Variants in SLC38A4 observed in about 807,000 individuals in gnomAD.
The protein encoded by SLC38A4 is sodium-coupled neutral amino acid transporter 4.
SLC38A4 carries 20 observed loss-of-function variants against 63.1 expected under a neutral mutation model. The ratio of observed to expected loss-of-function variants is 0.32; its 90% confidence interval spans 0.22 to 0.46. SLC38A4 has a LOEUF of 0.46. Ranked by LOEUF, SLC38A4 falls within the 20% of genes least tolerant of loss-of-function variation. The pLI is 1.00. For missense variants in SLC38A4, 526 were observed against 663.6 expected (o/e 0.79, Z 2.28); for synonymous variants, 230 against 225.5 (o/e 1.02, Z -0.18).
intron 3 of SLC38A4, among the ~76,000 whole-genome samples, chr12:46,791,555 C>G (rs894675437): frequency 7.2e-5 from 11 of 152,168 alleles, no homozygotes; most frequent in African/African-American, 2.7e-4. Context: ...GCACAATATT[C>G]TCTATTTCAC....
Position 46,765,823 on chromosome 12 carries a change from T to G in SLC38A4, c.*878A>C, listed in dbSNP as rs1286627082. 1 of 158,926 alleles carries G rather than the reference T, an allele frequency of 6.3e-6. No homozygotes were observed. Among genetic ancestry groups the G allele is most frequent in the African/African-American group, 2.4e-5 (1 of 41,426 alleles). The allele number at this position is 158,926 out of a possible 1,614,324, so 9.8% of individuals were successfully genotyped here. A position where few individuals can be genotyped will look rare whatever the true frequency, so the allele number is the denominator to read the frequency against. ...TAAAAATGTATCAAACAATACTGGG[T>G]AGTGTATCTCCACGATTGTGGTCTT... is the stretch of plus-strand genomic sequence containing the variant. On this transcript the variant is annotated 3_prime_UTR_variant, in exon 17 of 17. Coordinates refer to ENST00000266579, the MANE Select transcript of SLC38A4 (RefSeq NM_018018.5).
chr12:46,803,389 T>C (rs925492353), intron 2 of SLC38A4, among the ~76,000 whole-genome samples: 15 of 152,058 alleles, frequency 9.9e-5, no homozygotes, highest in Non-Finnish European at 2.9e-5. Flanking sequence ...AAACCTAAAA[T>C]TATCTGTAAA....
At chr12:46,824,703 A>G (rs1939612195) in intron 1 of SLC38A4, among the ~76,000 whole-genome samples, 1 of 152,254 alleles carries the variant, frequency 6.6e-6, no homozygotes, top group Non-Finnish European at 1.5e-5. Flanking sequence ...TAATAGTTTC[A>G]GAACGATGAA....
chr12:46,801,174 T>C (rs1939125563), intron 2 of SLC38A4, among the ~76,000 whole-genome samples: 1 of 152,118 alleles, frequency 6.6e-6, no homozygotes, highest in Non-Finnish European at 1.5e-5. Flanking sequence ...TATTATTATA[T>C]TAGAATAATT....
At chr12:46,828,194 C>A (rs1007077966), upstream of SLC38A4, among the ~76,000 whole-genome samples, 1 of 152,208 alleles carries the variant, frequency 6.6e-6, no homozygotes, top group Non-Finnish European at 1.5e-5. Context: ...TTTATTTCTA[C>A]TTCAAAACCT....
At chr12:46,802,315 A>C (rs192683759) in intron 2 of SLC38A4, among the ~76,000 whole-genome samples, 1 of 152,200 alleles carries the variant, frequency 6.6e-6, no homozygotes, top group African/African-American at 2.4e-5. Flanking sequence ...ATTTTAATGC[A>C]TGATACTTAA....
At chr12:46,799,174 C>T (rs1939077645) in intron 2 of SLC38A4, among the ~76,000 whole-genome samples, 1 of 152,102 alleles carries the variant, frequency 6.6e-6, no homozygotes, top group Admixed American at 6.6e-5. Context: ...CATAATATTT[C>T]ATATGCATAA....
rs117139096 is a variant in SLC38A4 at position 46,820,894 on chromosome 12, A to G, written c.-305+5009T>C. On this transcript the variant is annotated intron_variant, in intron 1 of 16. Transcript: ENST00000266579. ...CCTAATGTGTGTGTGGTGATATTTCATTGTGATTTTAATTTGCATGTCCTG... is the reference window on the plus strand; with the variant it reads ...CCTAATGTGTGTGTGGTGATATTTCGTTGTGATTTTAATTTGCATGTCCTG... 3.2e-4 allele frequency among the ~76,000 whole-genome samples: 48 copies of G among 152,048 alleles called. 3 individuals carry two copies. The East Asian group carries it at 9.1e-3, about 29-fold the overall frequency.
intron 1 of SLC38A4, among the ~76,000 whole-genome samples, chr12:46,812,438 C>A (rs1360843649): frequency 6.6e-6 from 1 of 151,994 alleles, no homozygotes; most frequent in African/African-American, 2.4e-5. Context: ...AATGTCTGAA[C>A]ATGTTCTCTT....
rs775098293 is a variant in SLC38A4, at chr12:46,769,383, T to C, written c.1345A>G (p.Ser449Gly). The change falls in exon 15 of 17, where the codon AGC (serine) becomes GGC (glycine). Residue 449 changes from serine (S) to glycine (G), a missense_variant. Coordinates refer to ENST00000266579, the MANE Select transcript of SLC38A4 (RefSeq NM_018018.5). ...GCAATCAGGAAATGTCGTATCCAGC[T>C]GAAGGGTCGTTTGGGAAATAACAGT... The part of the protein sequence containing the change: ...ITLLFPKRPF[S>G]WIRHFLIAAV... 6.2e-7 allele frequency: 1 copy of C among 1,613,514 alleles called. No homozygotes were observed. Among genetic ancestry groups the C allele is most frequent in the Admixed American group, 1.7e-5 (1 of 59,958 alleles).
intron 6 of SLC38A4, 141 bp from the exon 7 acceptor site, chr12:46,784,775 A>G: frequency 1.6e-6 from 1 of 642,772 alleles, no homozygotes; most frequent in Non-Finnish European, 2.6e-6. Context: ...TGCAACCTCA[A>G]AAACCAATAA....
chr12:46,780,976 G>A (rs1463759957), intron 7 of SLC38A4, among the ~76,000 whole-genome samples: 3 of 151,922 alleles, frequency 2.0e-5, no homozygotes, highest in African/African-American at 7.3e-5. Flanking sequence ...TTTGCTAACA[G>A]GCACTTTAAA....
rs1592176200 is a variant in SLC38A4 at position 46,775,186 on chromosome 12, A to G, written c.1175-13T>C. The G allele has an allele frequency of 1.2e-6, 2 of 1,609,710 alleles. No individual in the cohort carries two copies. The highest frequency in any genetic ancestry group is 8.5e-7 in the Non-Finnish European group (1 of 1,177,604). On this transcript the variant is annotated splice_polypyrimidine_tract_variant and intron_variant, in intron 13 of 16. Transcript: ENST00000266579. Reference sequence around the variant, plus strand: ...TCTTCAACTTCTCCTACAACAGGAAAAAGAGAATGAAACCGCTTGGTGTTG... The same window carrying G: ...TCTTCAACTTCTCCTACAACAGGAAGAAGAGAATGAAACCGCTTGGTGTTG...
chr12:46,770,575 G>T (rs1488223363), intron 14 of SLC38A4, among the ~76,000 whole-genome samples: 1 of 152,102 alleles, frequency 6.6e-6, no homozygotes. Context: ...ATAAGTAGGC[G>T]AAGGGTCAAG....
At chr12:46,811,426 T>A (rs886779735) in intron 1 of SLC38A4, among the ~76,000 whole-genome samples, 2 of 152,030 alleles carry the variant, frequency 1.3e-5, no homozygotes, top group South Asian at 4.2e-4. Flanking sequence ...GGGAGCAGAC[T>A]GCAGGCAGAG....
chr12:46,775,320 A>T, intron 13 of SLC38A4, 147 bp from the exon 14 acceptor site: 2 of 871,132 alleles, frequency 2.3e-6, no homozygotes, highest in Admixed American at 3.1e-5. Context: ...CTCTGAGCTC[A>T]TTAGCTATGC....
chr12:46,801,602 T>C (rs1939133477), intron 2 of SLC38A4, among the ~76,000 whole-genome samples: 1 of 152,108 alleles, frequency 6.6e-6, no homozygotes, highest in African/African-American at 2.4e-5. Context: ...TCACCTATCA[T>C]TTACCCTTTG....
intron 1 of SLC38A4, among the ~76,000 whole-genome samples, chr12:46,816,688 T>C (rs948269975): frequency 1.3e-5 from 2 of 151,944 alleles, no homozygotes; most frequent in Admixed American, 6.6e-5. Context: ...TGTGCACTCA[T>C]TTATTTTTGC....
At chr12:46,782,403 A>C (rs1376958876) in intron 7 of SLC38A4, among the ~76,000 whole-genome samples, 4 of 152,060 alleles carry the variant, frequency 2.6e-5, no homozygotes, top group Non-Finnish European at 5.9e-5. Context: ...ATAACATGCA[A>C]ATATATTCAA....
Sources: allele counts gnomAD v4.1 joint callset (sites outside exome capture counted in the v4.1 genomes callset), GRCh38; gene constraint gnomAD v4.1.1; transcripts MANE v1.5; gene names NCBI Gene and HGNC (gene_info 2026-07-23, HGNC 2026-07-21).